Variants in CNTN5 observed in about 807,000 individuals in gnomAD.
The protein encoded by CNTN5 is contactin 5, also known as contactin-5.
CNTN5 carries 77 observed loss-of-function variants against 129.1 expected under a neutral mutation model. The observed-to-expected ratio is 0.60, with a 90% confidence interval of 0.50 to 0.72. The LOEUF (loss-of-function observed/expected upper bound fraction) is 0.72, where lower values mean the gene tolerates loss of function less well. Ranked by LOEUF, CNTN5 falls within the 30% of genes least tolerant of loss-of-function variation. CNTN5 has a pLI of 0.00. For synonymous variants in CNTN5, 509 were observed against 465.6 expected, an observed-to-expected ratio of 1.09 and a Z score of -1.20; for missense variants, 1,478 against 1,328.8, an observed-to-expected ratio of 1.11 and a Z score of -1.75.
chr11:100,294,953 T>C (rs774292831), intron 18 of CNTN5, among the ~76,000 whole-genome samples: 1 of 151,646 alleles, frequency 6.6e-6, no homozygotes, highest in African/African-American at 2.4e-5. Flanking sequence ...TTTAAGCCAA[T>C]TGGAATTAGA....
At position 100,011,949 on chromosome 11, in the gene CNTN5, G is replaced by A. The variant is rs549154484; in HGVS notation, c.980+9813G>A. 3.3e-5 allele frequency among the ~76,000 whole-genome samples: 5 copies of A among 152,222 alleles called. 1 individual carries two copies. The highest frequency in any genetic ancestry group is 1.2e-4 in the African/African-American group (5 of 41,540). On this transcript the variant is annotated intron_variant, in intron 9 of 24. Coordinates refer to ENST00000524871, the MANE Select transcript of CNTN5 (RefSeq NM_014361.4). ...CGTTCCTGGAAGAACCTGCTCTTTAGTTACAGATTGATGATTTATTAATAC... is the reference window on the plus strand; with the variant it reads ...CGTTCCTGGAAGAACCTGCTCTTTAATTACAGATTGATGATTTATTAATAC...
At chr11:99,896,860 C>A (rs1447401489) in intron 6 of CNTN5, among the ~76,000 whole-genome samples, 1 of 152,126 alleles carries the variant, frequency 6.6e-6, no homozygotes, top group Non-Finnish European at 1.5e-5. Context: ...AGCTGCCCTG[C>A]CCCAGCCTGA....
intron 7 of CNTN5, among the ~76,000 whole-genome samples, chr11:99,954,475 A>G (rs1223392034): frequency 2.6e-5 from 4 of 152,246 alleles, no homozygotes; most frequent in Non-Finnish European, 4.4e-5. Flanking sequence ...CATGCATTCA[A>G]TTATTTTTAA....
At chr11:99,514,891 T>C (rs1025902247) in intron 2 of CNTN5, among the ~76,000 whole-genome samples, 1 of 152,042 alleles carries the variant, frequency 6.6e-6, no homozygotes, top group Non-Finnish European at 1.5e-5. Context: ...AAACTTTTGA[T>C]ATTTCCTTTA....
At chr11:99,719,627 A>G (rs1034837767) in intron 3 of CNTN5, among the ~76,000 whole-genome samples, 1 of 152,046 alleles carries the variant, frequency 6.6e-6, no homozygotes, top group African/African-American at 2.4e-5. Flanking sequence ...TTCACAACTG[A>G]AAGAATTAGA....
chr11:100,263,244 A>G (rs990226334), intron 17 of CNTN5, among the ~76,000 whole-genome samples: 1 of 152,108 alleles, frequency 6.6e-6, no homozygotes, highest in African/African-American at 2.4e-5. Context: ...TTTTGTTTTA[A>G]ACTCTAATGA....
chr11:99,587,087 T>C (rs1949816774), intron 3 of CNTN5, among the ~76,000 whole-genome samples: 1 of 151,918 alleles, frequency 6.6e-6, no homozygotes, highest in Admixed American at 6.6e-5. Context: ...TTATGCCATA[T>C]GTTGAAAACC....
intron 2 of CNTN5, among the ~76,000 whole-genome samples, chr11:99,427,234 A>G (rs1266621054): frequency 1.3e-5 from 2 of 152,222 alleles, no homozygotes; most frequent in Non-Finnish European, 2.9e-5. Flanking sequence ...CAATTTAGAT[A>G]TATTAAGAAA....
intron 8 of CNTN5, among the ~76,000 whole-genome samples, chr11:99,981,085 T>TATATATATATAC (rs1354570611): frequency 1.4e-5 from 1 of 71,128 alleles, no homozygotes; most frequent in East Asian, 5.2e-4. Context: ...AGGATATATA[T>TATATATATATAC]ATATATATAT....
intron 3 of CNTN5, among the ~76,000 whole-genome samples, chr11:99,675,418 C>A (rs1382063851): frequency 6.6e-6 from 1 of 152,092 alleles, no homozygotes; most frequent in Non-Finnish European, 1.5e-5. Flanking sequence ...TGCGGTGGCT[C>A]ACACCTGTAA....
chr11:99,781,705 G>A (rs536982716), intron 3 of CNTN5, among the ~76,000 whole-genome samples: 14 of 152,190 alleles, frequency 9.2e-5, no homozygotes, highest in Non-Finnish European at 1.6e-4. Flanking sequence ...ATTCAAGAAC[G>A]TTCCATGTCT....
At chr11:99,401,157 A>G (rs1313206703) in intron 2 of CNTN5, among the ~76,000 whole-genome samples, 1 of 152,046 alleles carries the variant, frequency 6.6e-6, no homozygotes, top group Non-Finnish European at 1.5e-5. Flanking sequence ...TCTTTTCCAG[A>G]CAGTTGACCT....
Position 99,342,164 on chromosome 11 carries a change from A to G in CNTN5, c.-71+16680A>G, listed in dbSNP as rs146489692. On this transcript the variant is annotated intron_variant, in intron 2 of 24. Transcript: ENST00000524871. ...AAATAGTCTTAAATATCAGAAGCAA[A>G]CATTTTACTTGCTATTTGTAAATAA... is the stretch of plus-strand genomic sequence containing the variant. 7.1e-3 allele frequency among the ~76,000 whole-genome samples: 1,087 copies of G among 152,238 alleles called. 12 individuals carry two copies. The highest frequency in any genetic ancestry group is 0.011 in the Non-Finnish European group (734 of 68,008).
At chr11:99,879,860 A>G (rs1948727075) in intron 6 of CNTN5, among the ~76,000 whole-genome samples, 1 of 152,220 alleles carries the variant, frequency 6.6e-6, no homozygotes, top group African/African-American at 2.4e-5. Flanking sequence ...AGGTCTAGCA[A>G]GAAGTCTATG....
chr11:99,666,613 C>G (rs1952801723), intron 3 of CNTN5, among the ~76,000 whole-genome samples: 1 of 152,216 alleles, frequency 6.6e-6, no homozygotes, highest in Non-Finnish European at 1.5e-5. Context: ...CCGAAACAGT[C>G]TTACAGAGTC....
At chr11:99,760,945 AC>A (rs1385393053) in intron 3 of CNTN5, among the ~76,000 whole-genome samples, 2 of 152,136 alleles carry the variant, frequency 1.3e-5, no homozygotes, top group Admixed American at 6.6e-5. Flanking sequence ...AAAGAAAAAA[AC>A]GTTTTCTAAT....
chr11:99,651,960 T>A (rs1168847885), intron 3 of CNTN5, among the ~76,000 whole-genome samples: 1 of 152,092 alleles, frequency 6.6e-6, no homozygotes, highest in Non-Finnish European at 1.5e-5. Context: ...TTTCTACTGC[T>A]GCATAACACG....
intron 6 of CNTN5, among the ~76,000 whole-genome samples, chr11:99,855,711 T>C (rs1036065770): frequency 2.0e-5 from 3 of 152,192 alleles, no homozygotes; most frequent in African/African-American, 7.2e-5. Flanking sequence ...AGGGAAATAT[T>C]CTGCCATATG....
At chr11:99,839,352 A>G (rs1947405108) in intron 4 of CNTN5, among the ~76,000 whole-genome samples, 1 of 152,200 alleles carries the variant, frequency 6.6e-6, no homozygotes, top group South Asian at 2.1e-4. Context: ...CAAATGACTC[A>G]GGATACTTCA....
Sources: gnomAD v4.1 joint callset for allele counts (sites outside exome capture counted in the v4.1 genomes callset) on GRCh38, gnomAD v4.1.1 for gene constraint, MANE v1.5 for transcripts, NCBI Gene and HGNC (gene_info 2026-07-23, HGNC 2026-07-21) for gene names.